Variants in METAP1D observed in about 807,000 individuals in gnomAD.
METAP1D encodes methionyl aminopeptidase type 1D, mitochondrial.
A neutral mutation model predicts 40.5 loss-of-function variants in METAP1D; 31 were observed. The observed-to-expected ratio is 0.77, with a 90% CI of 0.58 to 1.03. The LOEUF (loss-of-function observed/expected upper bound fraction) is 1.03. Among genes scored for constraint, METAP1D ranks in the 50% least tolerant of loss-of-function variants. The pLI, the probability that METAP1D is intolerant of heterozygous loss-of-function variation, is 0.00. For missense variants in METAP1D, 411 were observed against 420.7 expected (o/e 0.98, Z 0.20); for synonymous variants, 151 against 146.4 (o/e 1.03, Z -0.22).
intron 1 of METAP1D, among the ~76,000 whole-genome samples, chr2:172,057,295 T>C (rs1463539992): frequency 6.6e-6 from 1 of 151,746 alleles, no homozygotes; most frequent in Non-Finnish European, 1.5e-5. Flanking sequence ...ATTATTACTA[T>C]TTATATTAGC....
chr2:172,029,035 TAACA>T lies in METAP1D; in HGVS notation c.40+29030_40+29033del, dbSNP rs565051674. 6.5e-4 allele frequency among the ~76,000 whole-genome samples: 99 copies of T among 152,270 alleles called. No individual in the cohort carries two copies. In the South Asian group the frequency reaches 8.3e-3, roughly 13 times the overall value. Reference sequence around the variant, plus strand: ...TCAGTAGACATGCATGGTCAAACCATAACAAACCCAAAGATACTGAGACTCTAGA... The same window carrying T: ...TCAGTAGACATGCATGGTCAAACCATAACCCAAAGATACTGAGACTCTAGA... On this transcript the variant is annotated intron_variant, in intron 1 of 9. Transcript: ENST00000315796.
At position 172,065,603 on chromosome 2, in the gene METAP1D, G is replaced by T. The variant is rs747058680; in HGVS notation, c.349-1G>T. On this transcript the variant is annotated splice_acceptor_variant, in intron 3 of 9. Coordinates refer to ENST00000315796, the MANE Select transcript of METAP1D (RefSeq NM_199227.3). LOFTEE classifies it high-confidence loss of function. ...CACAATTTCTTTATTTAACATTTTA[G>T]GTTGACATGACAACTGAAGAGATAG... is the stretch of plus-strand genomic sequence containing the variant. 3.1e-6 allele frequency: 5 copies of T among 1,610,882 alleles called. No individual in the cohort carries two copies. In the African/African-American group the frequency reaches 4.0e-5, roughly 13 times the overall value.
At chr2:172,057,027 C>T (rs751865365) in intron 1 of METAP1D, among the ~76,000 whole-genome samples, 1 of 152,202 alleles carries the variant, frequency 6.6e-6, no homozygotes, top group Non-Finnish European at 1.5e-5. Context: ...ACAAAACACA[C>T]TAGCGAATAG....
At chr2:172,058,601 G>C (rs1170949736) in intron 1 of METAP1D, among the ~76,000 whole-genome samples, 1 of 151,976 alleles carries the variant, frequency 6.6e-6, no homozygotes, top group East Asian at 1.9e-4. Flanking sequence ...GCTGGTCTCA[G>C]ACTCCTGGGT....
chr2:172,065,498 T>G (rs1690251308), intron 3 of METAP1D, 106 bp from the exon 4 acceptor site: 1 of 1,115,104 alleles, frequency 9.0e-7, no homozygotes, highest in African/African-American at 1.6e-5. Flanking sequence ...TTTATCATAG[T>G]AAATTTATAC....
chr2:172,006,709 G>A (rs988429137), intron 1 of METAP1D, among the ~76,000 whole-genome samples: 2 of 152,120 alleles, frequency 1.3e-5, no homozygotes, highest in Admixed American at 1.3e-4. Context: ...TAAACATAAT[G>A]CAAAAGTAGA....
chr2:172,076,063 G>A (rs1275835379), intron 6 of METAP1D, among the ~76,000 whole-genome samples: 2 of 152,102 alleles, frequency 1.3e-5, no homozygotes, highest in African/African-American at 4.8e-5. Context: ...GGGACCCTAA[G>A]TGTTTTTTCA....
chr2:172,018,183 A>C (rs1688923657), intron 1 of METAP1D, among the ~76,000 whole-genome samples: 1 of 151,870 alleles, frequency 6.6e-6, no homozygotes, highest in African/African-American at 2.4e-5. Flanking sequence ...GAAACAAAAT[A>C]TGACACGTAT....
chr2:172,039,720 T>C (rs969179008), intron 1 of METAP1D, among the ~76,000 whole-genome samples: 1 of 149,894 alleles, frequency 6.7e-6, no homozygotes, highest in Non-Finnish European at 1.5e-5. Flanking sequence ...CAGGCTGGAG[T>C]GCAGGGGCTC....
intron 1 of METAP1D, among the ~76,000 whole-genome samples, chr2:172,010,440 C>G (rs866577555): frequency 2.7e-5 from 3 of 109,342 alleles, no homozygotes; most frequent in Non-Finnish European, 5.8e-5. Context: ...GCCACTGCAC[C>G]CAGCCCTTTT....
At chr2:172,078,960 C>T (rs1410342316) in intron 7 of METAP1D, among the ~76,000 whole-genome samples, 1 of 152,150 alleles carries the variant, frequency 6.6e-6, no homozygotes, top group East Asian at 1.9e-4. Flanking sequence ...AACCAGGCTG[C>T]CCCTGCCAGG....
chr2:172,009,166 G>A (rs1449258306), intron 1 of METAP1D, among the ~76,000 whole-genome samples: 2 of 151,620 alleles, frequency 1.3e-5, no homozygotes, highest in East Asian at 1.9e-4. Flanking sequence ...TCAGCCTCCC[G>A]AGTAGCTGGG....
At chr2:172,002,995 A>C (rs1311616099) in intron 1 of METAP1D, among the ~76,000 whole-genome samples, 1 of 152,140 alleles carries the variant, frequency 6.6e-6, no homozygotes, top group Non-Finnish European at 1.5e-5. Context: ...TTACTAGATT[A>C]TTAATTCTTG....
intron 1 of METAP1D, among the ~76,000 whole-genome samples, chr2:172,058,526 A>G (rs1030654627): frequency 6.8e-6 from 1 of 147,650 alleles, no homozygotes; most frequent in Admixed American, 6.9e-5. Context: ...TACACAATAC[A>G]TACCTGCCTC....
intron 1 of METAP1D, among the ~76,000 whole-genome samples, chr2:172,042,112 T>TA (rs199500469): frequency 7.2e-5 from 9 of 124,688 alleles, no homozygotes; most frequent in African/African-American, 2.4e-4. Context: ...GAAATATATA[T>TA]TTTTTCATTT....
chr2:172,017,824 C>A (rs530148014), intron 1 of METAP1D, among the ~76,000 whole-genome samples: 5 of 151,788 alleles, frequency 3.3e-5, no homozygotes, highest in African/African-American at 1.2e-4. Flanking sequence ...AGGGTTAGTC[C>A]CACAAAAGAA....
intron 1 of METAP1D, among the ~76,000 whole-genome samples, chr2:172,029,582 G>T (rs1183102307): frequency 2.0e-5 from 3 of 152,088 alleles, no homozygotes; most frequent in Admixed American, 2.0e-4. Context: ...ACAGAGATAG[G>T]GATTGTTTTC....
intron 1 of METAP1D, among the ~76,000 whole-genome samples, chr2:172,033,694 G>T (rs1689295881): frequency 6.6e-6 from 1 of 151,928 alleles, no homozygotes; most frequent in Non-Finnish European, 1.5e-5. Flanking sequence ...GACAAAAGGA[G>T]AATATCTAAA....
chr2:172,079,925 G>T (rs1690659811), intron 8 of METAP1D, among the ~76,000 whole-genome samples: 1 of 152,164 alleles, frequency 6.6e-6, no homozygotes, highest in African/African-American at 2.4e-5. Context: ...GAATGGCGCA[G>T]TGTTTCCTCT....
Sources: gnomAD v4.1 joint callset for allele counts (sites outside exome capture counted in the v4.1 genomes callset) on GRCh38, gnomAD v4.1.1 for gene constraint, MANE v1.5 for transcripts, NCBI Gene and HGNC (gene_info 2026-07-23, HGNC 2026-07-21) for gene names.